Variants in FXYD3 observed in about 807,000 individuals in gnomAD.
FXYD3 encodes FXYD domain containing ion transport regulator 3.
Under a neutral mutation model 19.2 loss-of-function variants are expected in FXYD3, and 13 were observed. The ratio of observed to expected loss-of-function variants is 0.68; its 90% confidence interval spans 0.44 to 1.08. The LOEUF is 1.08. Ranked by LOEUF, FXYD3 falls within the 50% of genes least tolerant of loss-of-function variation. FXYD3 has a pLI of 0.00. For synonymous variants in FXYD3, 48 were observed against 38.9 expected (o/e 1.23, Z -0.87); for missense variants, 101 against 109.4 (o/e 0.92, Z 0.34).
intron 2 of FXYD3, chr19:35,118,696 G>A: frequency 1.1e-5 from 5 of 463,178 alleles, no homozygotes; most frequent in East Asian, 1.3e-4. Context: ...GAGGTTCGGG[G>A]GAACAGAGAT....
rs1156230050 is a variant in FXYD3 at position 35,121,441 on chromosome 19, T to G, written c.97+196T>G. 1.1e-5 allele frequency: 16 copies of G among 1,500,856 alleles called. No individual in the cohort carries two copies. The East Asian group carries it at 3.4e-4, about 32-fold the overall frequency. The allele number at this position is 1,500,856 out of a possible 1,614,324, so 93.0% of individuals were successfully genotyped here. ...CAACCTGGCCTTTGGGAAGGTTCTA[T>G]TCCAGCAAGATAGACACACGCAGGA... On this transcript the variant is annotated intron_variant, in intron 5 of 8. Coordinates refer to ENST00000604404, the MANE Select transcript of FXYD3 (RefSeq NM_005971.4).
chr19:35,116,110 C>A, intron 1 of FXYD3, 151 bp downstream of exon 1: 2 of 373,788 alleles, frequency 5.4e-6, no homozygotes, highest in Non-Finnish European at 7.4e-6. Context: ...TCCAGCCCAT[C>A]CAATTCTCCG....
At position 35,124,285 on chromosome 19, in the gene FXYD3, CAA is replaced by C. The variant is rs1276903981; in HGVS notation, c.*832_*833del. The C allele has an allele frequency of 6.6e-6, 1 of 152,200 alleles. No individual in the cohort carries two copies. Among genetic ancestry groups the C allele is most frequent in the African/African-American group, 2.4e-5 (1 of 41,428 alleles). 9.4% of individuals were successfully genotyped at this position (152,200 alleles called of 1,614,324 possible). ...CCTCCAATGTCCTGAAACATGAACC[CAA>C]AAAGAGACCCACAATAAACTCGTGA... On this transcript the variant is annotated 3_prime_UTR_variant, in exon 9 of 9. Transcript: ENST00000604404.
At chr19:35,117,376 G>A in intron 2 of FXYD3, 2 of 1,494,046 alleles carry the variant, frequency 1.3e-6, no homozygotes, top group Non-Finnish European at 1.8e-6. Context: ...AGAGGCTTAA[G>A]AGGTGAGACT....
chr19:35,121,973 G>A (rs2065052714), intron 5 of FXYD3: 1 of 153,064 alleles, frequency 6.5e-6, no homozygotes, highest in African/African-American at 2.4e-5. Flanking sequence ...TGGGACTGCA[G>A]GCATACACCA....
intron 3 of FXYD3, 98 bp from the exon 4 acceptor site, chr19:35,120,980 A>T: frequency 7.7e-7 from 1 of 1,291,440 alleles, no homozygotes; most frequent in Non-Finnish European, 1.1e-6. Context: ...CCCGCAGGAG[A>T]CCCTTTCCCA....
chr19:35,119,322 C>T (rs760932539), intron 2 of FXYD3, 41 bp from the exon 3 acceptor site: 62 of 1,609,260 alleles, frequency 3.9e-5, no homozygotes, highest in Admixed American at 3.2e-4. Context: ...GCCAGCCTCC[C>T]GGTGGCTCTG....
chr19:35,123,172 G>A, intron 7 of FXYD3, 99 bp from the exon 8 acceptor site: 1 of 1,508,374 alleles, frequency 6.6e-7, no homozygotes, highest in Admixed American at 2.3e-5. Context: ...AAATGGAAAG[G>A]CAGCCAGGAA....
At chr19:35,116,525 C>T in intron 2 of FXYD3, 166 bp downstream of exon 2, 4 of 985,428 alleles carry the variant, frequency 4.1e-6, no homozygotes, top group Non-Finnish European at 3.6e-6. Flanking sequence ...AGTCCCTTCC[C>T]CTAATGTCCC....
At chr19:35,121,435 G>T (rs2065041921) in intron 5 of FXYD3, 190 bp downstream of exon 5, 21 of 1,508,810 alleles carry the variant, frequency 1.4e-5, no homozygotes, top group Non-Finnish European at 1.9e-5. Flanking sequence ...CTTTGGGAAG[G>T]TTCTATTCCA....
chr19:35,123,424 C>G lies in FXYD3; in HGVS notation c.248-17C>G, dbSNP rs370875872. On this transcript the variant is annotated splice_polypyrimidine_tract_variant and intron_variant, in intron 8 of 8. Coordinates refer to ENST00000604404, the MANE Select transcript of FXYD3 (RefSeq NM_005971.4). ...ACTCAATCCACCCTCACAAACGGAC[C>G]CCATCACTTCCCGCAGGCTCAGCCC... 1 of 1,613,828 alleles carries G rather than the reference C, an allele frequency of 6.2e-7. No homozygotes were observed. The highest frequency in any genetic ancestry group is 1.3e-5 in the African/African-American group (1 of 74,846).
At chr19:35,117,454 A>C in intron 2 of FXYD3, 1 of 1,256,842 alleles carries the variant, frequency 8.0e-7, no homozygotes, top group Admixed American at 3.8e-5. Context: ...TTACAACTGC[A>C]ATGTGGGCTA....
At chr19:35,117,218 G>A in intron 2 of FXYD3, 2 of 1,435,680 alleles carry the variant, frequency 1.4e-6, no homozygotes, top group Non-Finnish European at 1.8e-6. Context: ...CCGGCTCCCT[G>A]CAGCCTCCGG....
At chr19:35,122,351 C>A (rs962790134) in intron 5 of FXYD3, among the ~76,000 whole-genome samples, 18 of 152,144 alleles carry the variant, frequency 1.2e-4, no homozygotes, top group African/African-American at 4.1e-4. Flanking sequence ...GACGGGGTTT[C>A]ACCATGTTGG....
intron 3 of FXYD3, among the ~76,000 whole-genome samples, chr19:35,120,241 G>A (rs576616710): frequency 6.6e-6 from 1 of 151,708 alleles, no homozygotes; most frequent in Admixed American, 6.6e-5. Context: ...CCAGGTTCAA[G>A]CGACTCTCCT....
chr19:35,123,388 G>GA, intron 8 of FXYD3, 53 bp from the exon 9 acceptor site: 1 of 1,613,700 alleles, frequency 6.2e-7, no homozygotes, highest in East Asian at 2.2e-5. Context: ...TTGCACACTG[G>GA]AAAGAAAAGA....
At chr19:35,123,097 G>T (rs1256676229) in intron 7 of FXYD3, 143 bp downstream of exon 7, 1 of 1,458,742 alleles carries the variant, frequency 6.9e-7, no homozygotes, top group Non-Finnish European at 9.0e-7. Flanking sequence ...ATTGTTTCTA[G>T]CTGGTAATCC....
At position 35,121,251 on chromosome 19, in the gene FXYD3, A is replaced by C. The variant is rs2145336306; in HGVS notation, c.97+6A>C. On this transcript the variant is annotated splice_donor_region_variant and intron_variant, in intron 5 of 8. Coordinates refer to ENST00000604404, the MANE Select transcript of FXYD3 (RefSeq NM_005971.4). The stretch of plus-strand genomic sequence containing the variant: ...AAACAGTCCTTTCTACTATGGTGAG[A>C]GCCCGTGCCCCCTTTCCCCTCCCCA... 6.2e-7 allele frequency: 1 copy of C among 1,613,986 alleles called. No homozygotes were observed. Among genetic ancestry groups the C allele is most frequent in the South Asian group, 1.1e-5 (1 of 91,080 alleles).
At position 35,123,565 on chromosome 19, in the gene FXYD3, A is replaced by T. The variant is rs777012208; in HGVS notation, c.*108A>T. ...ATGGAATTCTTCCTCCTCTGCTGGGACTCCTTTGCATGGCAGGGCCTCATC... is the reference window on the plus strand; with the variant it reads ...ATGGAATTCTTCCTCCTCTGCTGGGTCTCCTTTGCATGGCAGGGCCTCATC... On this transcript the variant is annotated 3_prime_UTR_variant, in exon 9 of 9. Transcript: ENST00000604404. 135 of 1,177,234 alleles carry T rather than the reference A, an allele frequency of 1.1e-4. No homozygotes were observed. In the Admixed American group the frequency reaches 2.4e-3, roughly 21 times the overall value. The allele number at this position is 1,177,234 out of a possible 1,614,324, so 72.9% of individuals were successfully genotyped here.
Sources: allele counts gnomAD v4.1 joint callset (sites outside exome capture counted in the v4.1 genomes callset), GRCh38; gene constraint gnomAD v4.1.1; transcripts MANE v1.5; gene names NCBI Gene and HGNC (gene_info 2026-07-23, HGNC 2026-07-21).